The following GLIS3 variants were observed in gnomAD, a reference collection of about 807,000 sequenced individuals.
The protein encoded by GLIS3 is GLIS family zinc finger 3, also known as zinc finger protein GLIS3.
Under a neutral mutation model 78.6 loss-of-function variants are expected in GLIS3, and 53 were observed. The ratio of observed to expected loss-of-function variants is 0.67; its 90% CI spans 0.54 to 0.85. The LOEUF is 0.85. Among genes scored for constraint, GLIS3 ranks in the 40% least tolerant of loss-of-function variants. The pLI is 0.00. For synonymous variants in GLIS3, 684 were observed against 509.9 expected, an observed-to-expected ratio of 1.34 and a Z score of -4.60; for missense variants, 1,703 against 1,231.1, an observed-to-expected ratio of 1.38 and a Z score of -5.74.
chr9:3,901,716 C>CT (rs1823318103), intron 6 of GLIS3, among the ~76,000 whole-genome samples: 1 of 152,202 alleles, frequency 6.6e-6, no homozygotes, highest in African/African-American at 2.4e-5. Context: ...CAGGTAGTGA[C>CT]TGAGACATCA....
the GLIS3 span, among the ~76,000 whole-genome samples, chr9:4,468,744 C>A: frequency 6.6e-6 from 1 of 152,164 alleles, no homozygotes; most frequent in East Asian, 1.9e-4. Flanking sequence ...AGCAAAATAA[C>A]CAGCTAACAT....
the GLIS3 span, among the ~76,000 whole-genome samples, chr9:4,460,273 C>T: frequency 6.6e-6 from 1 of 152,104 alleles, no homozygotes; most frequent in African/African-American, 2.4e-5. Context: ...TGGATCCCCT[C>T]CATTGGTTCT....
intron 5 of GLIS3, among the ~76,000 whole-genome samples, chr9:3,934,536 G>A (rs71508596): frequency 0.038 from 5,831 of 151,820 alleles, 155 homozygotes; most frequent in Non-Finnish European, 0.059. Context: ...CAGCCTCCCG[G>A]GTAGCTGGAA....
At chr9:3,845,464 T>C (rs1818971839) in intron 9 of GLIS3, among the ~76,000 whole-genome samples, 2 of 152,174 alleles carry the variant, frequency 1.3e-5, no homozygotes, top group South Asian at 4.1e-4. Context: ...AGCAGTGGAA[T>C]TGGGGCAAAC....
intron 2 of GLIS3, among the ~76,000 whole-genome samples, chr9:4,260,881 T>C (rs1314913707): frequency 6.6e-6 from 1 of 152,198 alleles, no homozygotes; most frequent in African/African-American, 2.4e-5. Flanking sequence ...GGCTGTACTG[T>C]CTAATACGGT....
At chr9:3,926,467 T>C (rs1825261324) in intron 6 of GLIS3, among the ~76,000 whole-genome samples, 1 of 152,036 alleles carries the variant, frequency 6.6e-6, no homozygotes, top group South Asian at 2.1e-4. Context: ...CCTGACCTCA[T>C]GATCCGCCTG....
At chr9:4,138,024 T>A (rs1321127069) in intron 2 of GLIS3, among the ~76,000 whole-genome samples, 1 of 152,230 alleles carries the variant, frequency 6.6e-6, no homozygotes, top group African/African-American at 2.4e-5. Context: ...ATCAGGTATT[T>A]GTTTATTGTG....
chr9:4,283,341 C>G (rs190231144), intron 2 of GLIS3, among the ~76,000 whole-genome samples: 1 of 151,410 alleles, frequency 6.6e-6, no homozygotes, highest in Admixed American at 6.6e-5. Flanking sequence ...TCTCTGCTCA[C>G]TGCAATCTCT....
chr9:4,328,014 G>A (rs140234246), intron 2 of GLIS3, among the ~76,000 whole-genome samples: 98 of 152,266 alleles, frequency 6.4e-4, no homozygotes, highest in African/African-American at 2.1e-3. Flanking sequence ...GACTCATGTC[G>A]AATGCATGTT....
chr9:3,841,061 TAGG>T (rs1161592737), intron 9 of GLIS3, among the ~76,000 whole-genome samples: 6 of 151,970 alleles, frequency 3.9e-5, no homozygotes, highest in African/African-American at 1.4e-4. Flanking sequence ...AATAGGGAAA[TAGG>T]GGGGAAAAAA....
At chr9:4,362,221 G>A in the GLIS3 span, among the ~76,000 whole-genome samples, 6 of 152,190 alleles carry the variant, frequency 3.9e-5, no homozygotes, top group East Asian at 5.8e-4. Context: ...TTTTTTAAAT[G>A]CATTTTTGCT....
At chr9:4,212,521 T>C (rs192039482) in intron 2 of GLIS3, among the ~76,000 whole-genome samples, 15 of 152,294 alleles carry the variant, frequency 9.8e-5, no homozygotes, top group Non-Finnish European at 1.9e-4. Context: ...AATACAGCAG[T>C]GTGTGCTACA....
At chr9:3,971,269 C>G (rs1350327585) in intron 4 of GLIS3, among the ~76,000 whole-genome samples, 1 of 152,152 alleles carries the variant, frequency 6.6e-6, no homozygotes, top group Non-Finnish European at 1.5e-5. Context: ...ACACTACACA[C>G]TTTCTGCCTA....
the GLIS3 span, among the ~76,000 whole-genome samples, chr9:4,357,394 G>A: frequency 1.3e-5 from 2 of 152,174 alleles, no homozygotes; most frequent in Non-Finnish European, 2.9e-5. Context: ...TTCAAGCTGG[G>A]AAATCAGTCT....
At chr9:4,222,410 G>C (rs972034800) in intron 2 of GLIS3, among the ~76,000 whole-genome samples, 2 of 152,166 alleles carry the variant, frequency 1.3e-5, no homozygotes, top group Non-Finnish European at 2.9e-5. Flanking sequence ...TTAGGACCTA[G>C]AAAATGGACA....
At chr9:4,070,522 G>A (rs1442960347) in intron 4 of GLIS3, among the ~76,000 whole-genome samples, 1 of 152,136 alleles carries the variant, frequency 6.6e-6, no homozygotes, top group Non-Finnish European at 1.5e-5. Context: ...GTGTGTGCGT[G>A]TGCGTAAGTA....
At chr9:4,365,653 C>G in the GLIS3 span, among the ~76,000 whole-genome samples, 1 of 152,304 alleles carries the variant, frequency 6.6e-6, no homozygotes, top group South Asian at 2.1e-4. Context: ...CTTGGATGGA[C>G]AAAAGTTGAG....
chr9:4,218,623 A>G (rs1238013398), intron 2 of GLIS3, among the ~76,000 whole-genome samples: 1 of 152,194 alleles, frequency 6.6e-6, no homozygotes, highest in African/African-American at 2.4e-5. Context: ...TTACTGTCCA[A>G]TCTGGTAGAT....
chr9:4,069,510 A>T (rs528616384), intron 4 of GLIS3, among the ~76,000 whole-genome samples: 2 of 152,352 alleles, frequency 1.3e-5, no homozygotes, highest in East Asian at 3.9e-4. Context: ...AACAGCCAGC[A>T]GTGACTTTCA....
Sources: allele counts gnomAD v4.1 joint callset (sites outside exome capture counted in the v4.1 genomes callset), GRCh38; gene constraint gnomAD v4.1.1; transcripts MANE v1.5; gene names NCBI Gene and HGNC (gene_info 2026-07-23, HGNC 2026-07-21).